JAKMIP3: variants seen among roughly 807,000 people sequenced by gnomAD.
JAKMIP3 encodes the protein Janus kinase and microtubule interacting protein 3.
JAKMIP3 carries 58 observed loss-of-function variants against 118.5 expected under a neutral mutation model. That is an observed-to-expected ratio of 0.49 (90% CI 0.40 to 0.61). The LOEUF is 0.61. Ranked by LOEUF, JAKMIP3 falls within the 20% of genes least tolerant of loss-of-function variation. The probability of loss-of-function intolerance (pLI) is 0.00; values close to 1 mark genes in which losing one functional copy is unlikely to be tolerated. For synonymous variants in JAKMIP3, 486 were observed against 451.2 expected (o/e 1.08, Z -0.98); for missense variants, 950 against 1,109.0 (o/e 0.86, Z 2.04).
At chr10:132,087,173 G>A (rs1020740523) in intron 1 of JAKMIP3, among the ~76,000 whole-genome samples, 2 of 152,156 alleles carry the variant, frequency 1.3e-5, no homozygotes, top group African/African-American at 4.8e-5. Flanking sequence ...GCTTAAGGAG[G>A]CTGAAGATAG....
At chr10:132,045,196 C>A (rs2037872247) in intron 1 of JAKMIP3, among the ~76,000 whole-genome samples, 1 of 152,132 alleles carries the variant, frequency 6.6e-6, no homozygotes, top group African/African-American at 2.4e-5. Flanking sequence ...CCATTCTGTT[C>A]CGTTTTGATC....
At chr10:132,150,972 C>T (rs2056075682) in intron 16 of JAKMIP3, among the ~76,000 whole-genome samples, 1 of 151,984 alleles carries the variant, frequency 6.6e-6, no homozygotes, top group Admixed American at 6.6e-5. Flanking sequence ...TCCATCATCC[C>T]TAATCCATTC....
chr10:132,141,336 C>A (rs575046541), intron 10 of JAKMIP3, among the ~76,000 whole-genome samples: 1 of 152,200 alleles, frequency 6.6e-6, no homozygotes, highest in Admixed American at 6.5e-5. Context: ...CGTGGCCAAC[C>A]CTTCCAGCCC....
rs568108532 is a variant in JAKMIP3, at chr10:132,180,798, CTG to C, written c.*1104-1556_*1104-1555del. The stretch of plus-strand genomic sequence containing the variant: ...GTGTGTGTGTGCGCGTATGCATGTG[CTG>C]TGAGTGGTGTGTTGTGTATGCATGT... On this transcript the variant is annotated intron_variant, in intron 23 of 23. Coordinates refer to ENST00000684848, the MANE Select transcript of JAKMIP3 (RefSeq NM_001323087.2). Among the ~76,000 whole-genome samples the C allele has an allele frequency of 5.2e-5, 7 of 134,756 alleles. 1 individual carries two copies. Among genetic ancestry groups the C allele is most frequent in the Non-Finnish European group, 7.9e-5 (5 of 63,590 alleles). The allele number at this position is 134,756 out of a possible 152,430, so 88.4% of individuals were successfully genotyped here. A position where few individuals can be genotyped will look rare whatever the true frequency, so the allele number is the denominator to read the frequency against.
intron 19 of JAKMIP3, among the ~76,000 whole-genome samples, chr10:132,157,084 C>T (rs870552): frequency 0.52 from 79,414 of 151,866 alleles, 21,974 homozygotes; most frequent in Non-Finnish European, 0.62. Context: ...GCTTGTTCTC[C>T]GAGAGATGGT....
intron 1 of JAKMIP3, among the ~76,000 whole-genome samples, chr10:132,069,155 G>A (rs1230283619): frequency 2.6e-5 from 4 of 152,106 alleles, no homozygotes; most frequent in Non-Finnish European, 5.9e-5. Flanking sequence ...GCTCTTCCCA[G>A]ACATCCACCT....
rs1213711751 is a variant in JAKMIP3 at position 132,183,556 on chromosome 10, A to G, written c.*2303A>G. The G allele has an allele frequency of 6.6e-6, 1 of 152,264 alleles. No individual in the cohort carries two copies. The highest frequency in any genetic ancestry group is 2.4e-5 in the African/African-American group (1 of 41,468). 9.4% of individuals were successfully genotyped at this position (152,264 alleles called of 1,614,324 possible). A position where few individuals can be genotyped will look rare whatever the true frequency, so the allele number is the denominator to read the frequency against. Reference sequence around the variant, plus strand: ...AAAGAGAAGCATGTAAATATGTACCAAATCCTTATGAAGTTGTAATTGTTT... The same window carrying G: ...AAAGAGAAGCATGTAAATATGTACCGAATCCTTATGAAGTTGTAATTGTTT... On this transcript the variant is annotated 3_prime_UTR_variant, in exon 24 of 24. Coordinates refer to ENST00000684848, the MANE Select transcript of JAKMIP3 (RefSeq NM_001323087.2).
chr10:132,121,177 G>A (rs1239352481), intron 3 of JAKMIP3, among the ~76,000 whole-genome samples: 1 of 152,138 alleles, frequency 6.6e-6, no homozygotes, highest in South Asian at 2.1e-4. Context: ...AGTCAGTAGA[G>A]CTGGGGGTGC....
Position 132,117,731 on chromosome 10 carries a change from C to T in JAKMIP3, c.633+157C>T, listed in dbSNP as rs2047938954. 1.3e-5 allele frequency among the ~76,000 whole-genome samples: 2 copies of T among 152,242 alleles called. No homozygotes were observed. Among genetic ancestry groups the T allele is most frequent in the Admixed American group, 6.5e-5 (1 of 15,308 alleles). On this transcript the variant is annotated intron_variant, in intron 3 of 23. Transcript: ENST00000684848. The surrounding 1 kb of genome is among the most constrained non-coding windows in gnomAD (Gnocchi z 8.6). The stretch of plus-strand genomic sequence containing the variant: ...CATGACATTCTTAGCACAGGCTCCT[C>T]ATGCCACCCCTGTTGGTTTTGAGGA...
In JAKMIP3 at chr10:132,167,029, C is replaced by G; in HGVS notation, c.2537C>G (p.Ser846Ter). 6.5e-7 allele frequency: 1 copy of G among 1,550,256 alleles called. No homozygotes were observed. Residue 846 changes from serine (S) to a stop codon, truncating the protein, a stop_gained, in exon 22 of 24, where the codon TCA becomes TGA. Transcript: ENST00000684848. LOFTEE classifies it high-confidence loss of function. ...TTCTCCTTAGCTTTCATTCTCTGGT[C>G]ATAGTCCGTCTTGGCACCCTGACGT... ...LFFSLAFILW[S>*] is the part of the protein sequence containing the mutation.
intron 1 of JAKMIP3, among the ~76,000 whole-genome samples, chr10:132,050,331 C>T (rs74161715): frequency 0.071 from 10,792 of 152,308 alleles, 420 homozygotes; most frequent in Middle Eastern, 0.13. Flanking sequence ...TGCCCAGGCA[C>T]CTCTCTGGCT....
Position 132,134,938 on chromosome 10 carries a change from G to A in JAKMIP3, c.850-103G>A, listed in dbSNP as rs545230889. 2.7e-4 allele frequency: 376 copies of A among 1,394,936 alleles called. 3 individuals carry two copies. The South Asian group carries it at 3.1e-3, about 11-fold the overall frequency. The allele number at this position is 1,394,936 out of a possible 1,614,324, so 86.4% of individuals were successfully genotyped here. A position where few individuals can be genotyped will look rare whatever the true frequency, so the allele number is the denominator to read the frequency against. ...GGCAGCCGCGTGGAGGTAAAGGCGC[G>A]CGTCCCACGGCAGCGTTTTTGTTCC... is the stretch of plus-strand genomic sequence containing the variant. On this transcript the variant is annotated intron_variant, in intron 4 of 23. Transcript: ENST00000684848.
At chr10:132,098,441 G>A (rs2044326065) in intron 1 of JAKMIP3, among the ~76,000 whole-genome samples, 2 of 152,246 alleles carry the variant, frequency 1.3e-5, no homozygotes, top group Non-Finnish European at 1.5e-5. Flanking sequence ...GTTGAAGTCA[G>A]TGCAGAGATT....
At chr10:132,140,613 GAGGAGGTAACGAGGGTCTCCTGCCGGGTC>G (rs753347714) in intron 10 of JAKMIP3, 34 bp downstream of exon 10, 33 of 1,330,836 alleles carry the variant, frequency 2.5e-5, no homozygotes, top group East Asian at 7.9e-5. Context: ...CCTGGGCTTG[GAGGAGGTAACGAGGGTCTCCTGCCGGGTC>G]CTGGGCTTGG....
intron 13 of JAKMIP3, among the ~76,000 whole-genome samples, chr10:132,146,449 G>T (rs2054625342): frequency 6.6e-6 from 1 of 152,166 alleles, no homozygotes; most frequent in African/African-American, 2.4e-5. Context: ...GTGGCATGAG[G>T]CAGGGGCGGG....
chr10:132,047,958 C>T (rs1294626879), intron 1 of JAKMIP3, among the ~76,000 whole-genome samples: 2 of 152,210 alleles, frequency 1.3e-5, no homozygotes, highest in Non-Finnish European at 2.9e-5. Context: ...CCGGCTGTGG[C>T]GCCGCCTGTG....
chr10:132,122,327 C>A (rs762225220), intron 3 of JAKMIP3, among the ~76,000 whole-genome samples: 2 of 152,256 alleles, frequency 1.3e-5, no homozygotes, highest in Non-Finnish European at 2.9e-5. Flanking sequence ...GGGGCCCTGA[C>A]TGCCACCTGC....
chr10:132,080,521 TTTTTTTTTTTTTTTTTTTA>T (rs1362142950), intron 1 of JAKMIP3, among the ~76,000 whole-genome samples: 2 of 94,526 alleles, frequency 2.1e-5, no homozygotes, highest in Non-Finnish European at 4.7e-5. Flanking sequence ...TTTTTTTTTT[TTTTTTTTTTTTTTTTTTTA>T]AGATGGAGTC....
chr10:132,159,669 G>A (rs1400138071), intron 19 of JAKMIP3, among the ~76,000 whole-genome samples: 1 of 122,260 alleles, frequency 8.2e-6, no homozygotes, highest in African/African-American at 3.2e-5. Context: ...TGATGCTGGG[G>A]GGTCCTCTCC....
Sources: gnomAD v4.1 joint callset for allele counts (sites outside exome capture counted in the v4.1 genomes callset) on GRCh38, gnomAD v4.1.1 for gene constraint, Gnocchi (gnomAD v3.1) non-coding constraint, MANE v1.5 for transcripts, NCBI Gene and HGNC (gene_info 2026-07-23, HGNC 2026-07-21) for gene names.